Variants in AKAP7 observed in about 807,000 individuals in gnomAD.
The protein encoded by AKAP7 is A-kinase anchoring protein 7.
A neutral mutation model predicts 39.5 loss-of-function variants in AKAP7; 39 were observed. The observed-to-expected ratio is 0.99, with a 90% CI of 0.76 to 1.29. AKAP7 has a LOEUF of 1.29. AKAP7 is among the 50% of genes most tolerant of loss of function. The pLI, the probability that AKAP7 is intolerant of heterozygous loss-of-function variation, is 0.00. For missense variants in AKAP7, 414 were observed against 407.7 expected (o/e 1.02, Z -0.13); for synonymous variants, 140 against 139.1 (o/e 1.01, Z -0.05).
At chr6:131,159,971 T>A in intron 2 of AKAP7, 88 bp from the exon 3 acceptor site, 1 of 1,191,158 alleles carries the variant, frequency 8.4e-7, no homozygotes, top group Non-Finnish European at 1.2e-6. Flanking sequence ...GATGAATGAT[T>A]GCTACTTATA....
upstream of AKAP7, among the ~76,000 whole-genome samples, chr6:131,131,715 T>C (rs1800334014): frequency 2.0e-5 from 3 of 151,506 alleles, no homozygotes; most frequent in African/African-American, 7.3e-5. Context: ...GCACAAGGAG[T>C]ATTAAAGCCC....
chr6:131,132,760 G>A (rs1800355038), upstream of AKAP7, among the ~76,000 whole-genome samples: 1 of 152,148 alleles, frequency 6.6e-6, no homozygotes, highest in South Asian at 2.1e-4. Context: ...AGCAGCTTCA[G>A]GTGAAATATT....
At position 131,268,793 on chromosome 6, in the gene AKAP7, G is replaced by C. The variant is rs535078235; in HGVS notation, c.851-12737G>C. 3.9e-5 allele frequency among the ~76,000 whole-genome samples: 6 copies of C among 152,188 alleles called. No homozygotes were observed. In the East Asian group the frequency reaches 1.2e-3, roughly 29 times the overall value. ...GCCAAATATGTAAAAATTAATTCCA[G>C]TTTCATGCTTTTAAGTTTTAGGTAA... On this transcript the variant is annotated intron_variant, in intron 7 of 7. Transcript: ENST00000431975.
At chr6:131,237,804 T>C (rs994516779) in intron 7 of AKAP7, among the ~76,000 whole-genome samples, 2 of 152,188 alleles carry the variant, frequency 1.3e-5, no homozygotes, top group African/African-American at 4.8e-5. Context: ...CTTTTCTTCT[T>C]TATTAGTCTT....
chr6:131,190,645 G>GA (rs761012580), intron 5 of AKAP7, among the ~76,000 whole-genome samples: 66 of 130,204 alleles, frequency 5.1e-4, no homozygotes, highest in African/African-American at 7.9e-4. Flanking sequence ...ATTCTGTCTT[G>GA]AAAAAAAAAA....
At position 131,219,988 on chromosome 6, in the gene AKAP7, G is replaced by A. The variant is rs551934342; in HGVS notation, c.850+180G>A. ...CTAGAGCATTTTTCATATTTATATT[G>A]ATCAGTTAAGACTTTACTACCTGTA... On this transcript the variant is annotated intron_variant, in intron 7 of 7. Coordinates refer to ENST00000431975, the MANE Select transcript of AKAP7 (RefSeq NM_016377.4). 1.8e-4 allele frequency among the ~76,000 whole-genome samples: 27 copies of A among 152,088 alleles called. No homozygotes were observed. The South Asian group carries it at 3.3e-3, about 19-fold the overall frequency.
chr6:131,249,722 G>C (rs1461601423), intron 7 of AKAP7, among the ~76,000 whole-genome samples: 1 of 152,082 alleles, frequency 6.6e-6, no homozygotes, highest in Non-Finnish European at 1.5e-5. Flanking sequence ...TGCTGCCCCT[G>C]AATTTGCTCA....
At chr6:131,204,985 G>T (rs1305387744) in intron 6 of AKAP7, among the ~76,000 whole-genome samples, 3 of 152,076 alleles carry the variant, frequency 2.0e-5, no homozygotes, top group African/African-American at 7.2e-5. Context: ...AAGTACTGAT[G>T]CACTAAAAGC....
At chr6:131,199,086 A>G (rs1317557764) in intron 5 of AKAP7, among the ~76,000 whole-genome samples, 3 of 152,184 alleles carry the variant, frequency 2.0e-5, no homozygotes, top group Non-Finnish European at 4.4e-5. Context: ...TTGGAAGCAG[A>G]AGTTTGAGAT....
At chr6:131,208,920 T>C (rs1475255429) in intron 6 of AKAP7, among the ~76,000 whole-genome samples, 1 of 152,222 alleles carries the variant, frequency 6.6e-6, no homozygotes, top group African/African-American at 2.4e-5. Context: ...ACACACATCA[T>C]TTCTGATCAT....
intron 3 of AKAP7, 126 bp downstream of exon 3, chr6:131,160,324 C>T: frequency 1.1e-6 from 1 of 908,388 alleles, no homozygotes; most frequent in Non-Finnish European, 1.7e-6. Flanking sequence ...GCAGGACTGT[C>T]CAGGGAATAT....
chr6:131,251,183 T>C (rs551001713), intron 7 of AKAP7, among the ~76,000 whole-genome samples: 1 of 152,334 alleles, frequency 6.6e-6, no homozygotes, highest in South Asian at 2.1e-4. Flanking sequence ...TGAACCTGCC[T>C]AAATGAATGT....
intron 5 of AKAP7, among the ~76,000 whole-genome samples, chr6:131,196,957 T>C (rs1238111667): frequency 6.6e-6 from 1 of 152,134 alleles, no homozygotes; most frequent in African/African-American, 2.4e-5. Context: ...ATATGTATTA[T>C]ATTTATAACT....
intron 6 of AKAP7, among the ~76,000 whole-genome samples, chr6:131,203,369 A>G (rs1423914332): frequency 6.6e-6 from 1 of 152,168 alleles, no homozygotes; most frequent in East Asian, 1.9e-4. Flanking sequence ...TTAAATAAAG[A>G]TGATCGTGGA....
At chr6:131,278,191 G>A (rs1449250899) in intron 7 of AKAP7, among the ~76,000 whole-genome samples, 1 of 152,182 alleles carries the variant, frequency 6.6e-6, no homozygotes, top group Non-Finnish European at 1.5e-5. Flanking sequence ...GGAGAGAACT[G>A]AGAAGCCGAG....
intron 5 of AKAP7, among the ~76,000 whole-genome samples, chr6:131,173,377 T>G (rs1199439538): frequency 6.6e-6 from 1 of 152,196 alleles, no homozygotes; most frequent in Non-Finnish European, 1.5e-5. Context: ...CAATTTAGAA[T>G]ATAGGACATA....
At chr6:131,253,336 G>C (rs968806898) in intron 7 of AKAP7, among the ~76,000 whole-genome samples, 2 of 152,094 alleles carry the variant, frequency 1.3e-5, no homozygotes, top group Non-Finnish European at 2.9e-5. Flanking sequence ...AATTTGAATT[G>C]ATACATAATC....
rs145155806 is a variant in AKAP7 at position 131,267,309 on chromosome 6, T to TCTTA, written c.851-14220_851-14217dup. On this transcript the variant is annotated intron_variant, in intron 7 of 7. Transcript: ENST00000431975. ...AGCAGCATCACTAGTCAGTGACATA[T>TCTTA]CTTATGTTTTCCCATAAAATAATAG... is the stretch of plus-strand genomic sequence containing the variant. 4.8e-3 allele frequency among the ~76,000 whole-genome samples: 731 copies of TCTTA among 152,310 alleles called. 10 individuals are homozygous for TCTTA. The highest frequency in any genetic ancestry group is 0.017 in the African/African-American group (700 of 41,572).
At chr6:131,126,397 G>C in the AKAP7 span, among the ~76,000 whole-genome samples, 1 of 152,146 alleles carries the variant, frequency 6.6e-6, no homozygotes, top group Non-Finnish European at 1.5e-5. Context: ...AATGTAACAA[G>C]TTTATGATGC....
Sources: gnomAD v4.1 joint callset for allele counts (sites outside exome capture counted in the v4.1 genomes callset) on GRCh38, gnomAD v4.1.1 for gene constraint, MANE v1.5 for transcripts, NCBI Gene and HGNC (gene_info 2026-07-23, HGNC 2026-07-21) for gene names.